NBPF12: variants seen among roughly 807,000 people sequenced by gnomAD.
NBPF12 encodes NBPF member 12, also known as NBPF family member NBPF12.
NBPF12 carries 115 observed loss-of-function variants against 146.4 expected under a neutral mutation model. The observed-to-expected ratio is 0.79, with a 90% confidence interval of 0.68 to 0.92. NBPF12 has a LOEUF of 0.92. Among genes scored for constraint, NBPF12 ranks in the 40% least tolerant of loss-of-function variants. The probability of loss-of-function intolerance (pLI) is 0.00; values close to 1 mark genes in which losing one functional copy is unlikely to be tolerated. For missense variants in NBPF12, 1,205 were observed against 1,326.8 expected, an observed-to-expected ratio of 0.91 and a Z score of 1.43; for synonymous variants, 385 against 508.9, an observed-to-expected ratio of 0.76 and a Z score of 3.28.
intron 10 of NBPF12, among the ~76,000 whole-genome samples, chr1:146,968,946 G>A (rs1447181938): frequency 2.6e-5 from 4 of 151,224 alleles, no homozygotes; most frequent in African/African-American, 9.8e-5. Flanking sequence ...TTGCCTTCTC[G>A]ACCCTGTCAT....
chr1:146,994,793 G>C (rs1458732982), exon 34 of NBPF12: 4 of 837,296 alleles, frequency 4.8e-6, no homozygotes, highest in Non-Finnish European at 7.2e-6. Flanking sequence ...TAACTGTGCA[G>C]CACATGCCGG....
chr1:146,946,512 CTTTTTTTTTTT>C (rs3071268), upstream of NBPF12, among the ~76,000 whole-genome samples: 3 of 41,042 alleles, frequency 7.3e-5, no homozygotes, highest in East Asian at 3.9e-3. Context: ...GATCTTTCAC[CTTTTTTTTTTT>C]TTTTTTTTTT....
upstream of NBPF12, among the ~76,000 whole-genome samples, chr1:146,946,397 C>T (rs1318448850): frequency 0.013 from 1,961 of 148,114 alleles, 51 homozygotes; most frequent in African/African-American, 0.049. Flanking sequence ...GATAGGTTTA[C>T]GGTGATATCT....
At chr1:146,938,465 G>A (rs1166873772), upstream of NBPF12, among the ~76,000 whole-genome samples, 3 of 152,158 alleles carry the variant, frequency 2.0e-5, no homozygotes, top group Admixed American at 6.5e-5. Context: ...TCGGCGAATT[G>A]CAGGGTCAAG....
chr1:146,977,332 T>G, intron 17 of NBPF12, 134 bp from the exon 21 acceptor site: 2 of 1,086,996 alleles, frequency 1.8e-6, no homozygotes, highest in Non-Finnish European at 2.8e-6. Flanking sequence ...GCATGTTCCC[T>G]CTTAATGGGA....
exon 4 of NBPF12, chr1:146,960,313 A>T (rs1443782383): frequency 9.9e-6 from 14 of 1,409,172 alleles, no homozygotes; most frequent in African/African-American, 1.4e-5. Context: ...CGACAGAAGA[A>T]ATACAGTAAG....
At chr1:146,996,059 T>G (rs1553890537) in exon 34 of NBPF12, 1 of 141,568 alleles carries the variant, frequency 7.1e-6, no homozygotes, top group African/African-American at 2.7e-5. Flanking sequence ...CCAAAGTTAA[T>G]TTTAATCTAT....
chr1:146,948,664 T>C (rs1655181027), upstream of NBPF12, among the ~76,000 whole-genome samples: 1 of 151,996 alleles, frequency 6.6e-6, no homozygotes, highest in African/African-American at 2.4e-5. Flanking sequence ...TTTCTCCCCA[T>C]GTGATAGTCT....
At chr1:146,942,000 G>T (rs1654829176) in intron 1 of NBPF12, among the ~76,000 whole-genome samples, 2 of 147,934 alleles carry the variant, frequency 1.4e-5, no homozygotes, top group Admixed American at 1.3e-4. Flanking sequence ...TGCGACTATA[G>T]GCGTGTGCCA....
chr1:146,962,096 T>C, intron 4 of NBPF12, 65 bp from the exon 8 acceptor site: 1 of 1,513,468 alleles, frequency 6.6e-7, no homozygotes, highest in Non-Finnish European at 9.1e-7. Context: ...TCCTGCCCTG[T>C]AGGCAGTGAC....
intron 19 of NBPF12, among the ~76,000 whole-genome samples, chr1:146,979,860 T>A (rs1298761452): frequency 1.8e-5 from 1 of 56,346 alleles, no homozygotes; most frequent in Non-Finnish European, 3.4e-5. Context: ...GTTCAAGTCC[T>A]GGATATCCTT....
At chr1:146,987,502 T>G (rs1308751634) in intron 25 of NBPF12, among the ~76,000 whole-genome samples, 6 of 151,940 alleles carry the variant, frequency 3.9e-5, no homozygotes, top group Non-Finnish European at 7.4e-5. Context: ...GGACCAGACT[T>G]CAAAAACTGT....
At chr1:146,951,513 T>C in intron 2 of NBPF12, 24 bp downstream of exon 5, 2 of 595,840 alleles carry the variant, frequency 3.4e-6, no homozygotes, top group Non-Finnish European at 5.9e-6. Context: ...CACAGAGAGC[T>C]TTCTGAAAGA....
At chr1:146,966,994 C>T (rs1296614439) in intron 9 of NBPF12, among the ~76,000 whole-genome samples, 2 of 151,096 alleles carry the variant, frequency 1.3e-5, no homozygotes, top group African/African-American at 4.9e-5. Context: ...CACATAAGAT[C>T]CTGCAGACAA....
intron 2 of NBPF12, among the ~76,000 whole-genome samples, chr1:146,953,067 G>A (rs1251603269): frequency 8.2e-4 from 123 of 150,396 alleles, no homozygotes; most frequent in African/African-American, 2.9e-3. Flanking sequence ...TCCTCTACAG[G>A]CTGGAGGTCA....
intron 5 of NBPF12, among the ~76,000 whole-genome samples, chr1:146,962,813 T>C (rs1655943466): frequency 2.0e-5 from 3 of 150,568 alleles, no homozygotes; most frequent in Non-Finnish European, 4.4e-5. Flanking sequence ...ACTGAAAGGA[T>C]GTCTTTTTGA....
intron 6 of NBPF12, 37 bp downstream of exon 9, chr1:146,963,346 AG>A: frequency 2.5e-6 from 4 of 1,602,344 alleles, no homozygotes; most frequent in Non-Finnish European, 3.4e-6. Context: ...CCAAAACCCC[AG>A]GCTTATGAGA....
rs1171967177 is a variant in NBPF12, at chr1:146,954,969, A to AATATATAT, written c.-184+3518_-184+3525dup. ...TGAAGATTATCATCTCCAAATAGGG[A>AATATATAT]ATATATATATATATATATATATATA... is the stretch of plus-strand genomic sequence containing the variant. On this transcript the variant is annotated intron_variant, in intron 2 of 33. Coordinates refer to ENST00000617844, the Ensembl canonical transcript of NBPF12. Among the ~76,000 whole-genome samples, 229 of 53,450 alleles carry AATATATAT rather than the reference A, an allele frequency of 4.3e-3. 2 individuals are homozygous for AATATATAT. Among genetic ancestry groups the AATATATAT allele is most frequent in the Non-Finnish European group, 5.6e-3 (161 of 28,664 alleles). The allele number at this position is 53,450 out of a possible 152,430, so 35.1% of individuals were successfully genotyped here. A position where few individuals can be genotyped will look rare whatever the true frequency, so the allele number is the denominator to read the frequency against.
intron 2 of NBPF12, among the ~76,000 whole-genome samples, chr1:146,956,041 G>T (rs1263168796): frequency 0.15 from 21,918 of 150,626 alleles, 1,941 homozygotes; most frequent in Admixed American, 0.27. Context: ...TGAAACAGTT[G>T]TTAGGGAGGC....
Sources: gnomAD v4.1 joint callset for allele counts (sites outside exome capture counted in the v4.1 genomes callset) on GRCh38, gnomAD v4.1.1 for gene constraint, MANE v1.5 for transcripts, NCBI Gene and HGNC (gene_info 2026-07-23, HGNC 2026-07-21) for gene names.